Variants in ST7 observed in about 807,000 individuals in gnomAD.
ST7 encodes suppressor of tumorigenicity 7 protein.
ST7 carries 28 observed loss-of-function variants against 78.7 expected under a neutral mutation model. The observed-to-expected ratio is 0.36, with a 90% CI of 0.26 to 0.49. The LOEUF (loss-of-function observed/expected upper bound fraction) is 0.49. ST7 is among the 20% of genes least tolerant of loss of function. The pLI is 0.99. For missense variants in ST7, 418 were observed against 696.0 expected (o/e 0.60, Z 4.49); for synonymous variants, 247 against 249.6 (o/e 0.99, Z 0.10).
At chr7:117,094,184 T>C (rs1800850209) in intron 1 of ST7, among the ~76,000 whole-genome samples, 2 of 152,222 alleles carry the variant, frequency 1.3e-5, no homozygotes, top group Admixed American at 6.5e-5. Flanking sequence ...ACAGTCACTT[T>C]AGATAGTAAT....
chr7:117,202,563 G>T (rs1810977887), intron 12 of ST7, among the ~76,000 whole-genome samples: 1 of 151,972 alleles, frequency 6.6e-6, no homozygotes, highest in Non-Finnish European at 1.5e-5. Flanking sequence ...ATTTAGTCAG[G>T]TGCCAAGTCC....
chr7:116,964,044 A>G (rs1792974589), intron 1 of ST7, among the ~76,000 whole-genome samples: 2 of 152,172 alleles, frequency 1.3e-5, no homozygotes, highest in Non-Finnish European at 2.9e-5. Context: ...TATTTGTTTT[A>G]TTATTTAAAA....
chr7:117,078,214 T>C (rs1799497204), intron 1 of ST7, among the ~76,000 whole-genome samples: 1 of 152,236 alleles, frequency 6.6e-6, no homozygotes, highest in African/African-American at 2.4e-5. Flanking sequence ...GCAGCCATGT[T>C]CATGTAGTAG....
At chr7:116,958,406 T>G (rs1345025249) in intron 1 of ST7, among the ~76,000 whole-genome samples, 1 of 152,170 alleles carries the variant, frequency 6.6e-6, no homozygotes, top group Admixed American at 6.5e-5. Flanking sequence ...TTGGCATTTT[T>G]TCATGTTGAG....
intron 1 of ST7, among the ~76,000 whole-genome samples, chr7:117,078,482 C>G (rs1799520592): frequency 6.6e-6 from 1 of 152,192 alleles, no homozygotes; most frequent in Non-Finnish European, 1.5e-5. Context: ...ATGTTACTTT[C>G]ATTCTTTCTA....
intron 2 of ST7, among the ~76,000 whole-genome samples, chr7:117,101,865 C>T (rs1322437618): frequency 6.6e-6 from 1 of 152,146 alleles, no homozygotes; most frequent in Non-Finnish European, 1.5e-5. Context: ...ACTAGAAAGC[C>T]CAATGCTGGC....
At position 117,130,092 on chromosome 7, in the gene ST7, AT is replaced by A. The variant is rs1804223617; in HGVS notation, c.449+246del. ...TATTAACAGTTATTCTTTTCAATAT[AT>A]ACTATACATTGAAAACATTTTGAAG... On this transcript the variant is annotated intron_variant, in intron 4 of 15. Coordinates refer to ENST00000323984, the MANE Select transcript of ST7 (RefSeq NM_001369598.1). Among the ~76,000 whole-genome samples the A allele has an allele frequency of 2.6e-5, 4 of 152,060 alleles. No homozygotes were observed. In the South Asian group the frequency reaches 8.3e-4, roughly 31 times the overall value.
intron 1 of ST7, chr7:117,073,208 T>C (rs1799098539): frequency 6.6e-6 from 1 of 152,108 alleles, no homozygotes; most frequent in African/African-American, 2.4e-5. Context: ...ATCAATAGAC[T>C]ATTTAACCAC....
At chr7:117,012,316 C>T (rs1795421417) in intron 1 of ST7, among the ~76,000 whole-genome samples, 2 of 149,896 alleles carry the variant, frequency 1.3e-5, no homozygotes, top group South Asian at 4.2e-4. Context: ...CGTATGATCA[C>T]CTACTCTACA....
At chr7:117,092,369 T>C (rs187303390) in intron 1 of ST7, among the ~76,000 whole-genome samples, 45 of 149,850 alleles carry the variant, frequency 3.0e-4, no homozygotes, top group African/African-American at 9.6e-4. Flanking sequence ...GCAGGGATCG[T>C]TGGAGTCACT....
chr7:117,185,457 C>T (rs1451337613), intron 10 of ST7, among the ~76,000 whole-genome samples: 4 of 152,142 alleles, frequency 2.6e-5, no homozygotes, highest in Non-Finnish European at 5.9e-5. Flanking sequence ...GGAAAAATTG[C>T]CTATAATCTC....
At chr7:117,102,089 T>A (rs1801606610) in intron 2 of ST7, among the ~76,000 whole-genome samples, 2 of 152,238 alleles carry the variant, frequency 1.3e-5, no homozygotes, top group Non-Finnish European at 2.9e-5. Context: ...AGCTGGTCAC[T>A]AATTTATTCC....
intron 1 of ST7, among the ~76,000 whole-genome samples, chr7:117,041,037 T>A (rs1319273915): frequency 6.6e-6 from 1 of 152,160 alleles, no homozygotes; most frequent in African/African-American, 2.4e-5. Flanking sequence ...TAGATGGTGC[T>A]TTGTAGAATG....
intron 10 of ST7, chr7:117,187,697 CCTT>C (rs1232241301): frequency 6.6e-6 from 1 of 152,142 alleles, no homozygotes; most frequent in Non-Finnish European, 1.5e-5. Flanking sequence ...AAAAGAGGCT[CCTT>C]CTTGTGCTGC....
At chr7:116,969,371 G>C (rs967387080) in intron 1 of ST7, among the ~76,000 whole-genome samples, 1 of 152,116 alleles carries the variant, frequency 6.6e-6, no homozygotes, top group Non-Finnish European at 1.5e-5. Flanking sequence ...TTAGACTATC[G>C]CTTAATTGAG....
intron 2 of ST7, among the ~76,000 whole-genome samples, chr7:117,103,527 T>C (rs1801722987): frequency 6.6e-6 from 1 of 152,208 alleles, no homozygotes; most frequent in Admixed American, 6.5e-5. Flanking sequence ...ATAAATGTGC[T>C]GGAAAAACTG....
intron 2 of ST7, among the ~76,000 whole-genome samples, chr7:117,115,342 G>A (rs918167817): frequency 2.0e-5 from 3 of 150,372 alleles, no homozygotes; most frequent in African/African-American, 7.3e-5. Flanking sequence ...GAAGTGAGAA[G>A]TGGTAGGTTA....
At chr7:117,094,039 G>A (rs1344406049) in intron 1 of ST7, among the ~76,000 whole-genome samples, 1 of 152,068 alleles carries the variant, frequency 6.6e-6, no homozygotes, top group Admixed American at 6.5e-5. Context: ...AAATCATTTT[G>A]GTAATTTTGG....
intron 9 of ST7, among the ~76,000 whole-genome samples, chr7:117,151,526 C>T (rs1316340863): frequency 6.6e-6 from 1 of 151,612 alleles, no homozygotes; most frequent in East Asian, 1.9e-4. Context: ...CACAAACACT[C>T]ATGTGCACAC....
Sources: allele counts gnomAD v4.1 joint callset (sites outside exome capture counted in the v4.1 genomes callset), GRCh38; gene constraint gnomAD v4.1.1; transcripts MANE v1.5; gene names NCBI Gene and HGNC (gene_info 2026-07-23, HGNC 2026-07-21).